The following GNG7 variants were observed in gnomAD, a reference collection of about 807,000 sequenced individuals.
The protein encoded by GNG7 is guanine nucleotide-binding protein G(I)/G(S)/G(O) subunit gamma-7.
In GNG7, 1 loss-of-function variant was observed where a neutral mutation model predicts 4.0. The ratio of observed to expected loss-of-function variants is 0.25; its 90% CI spans 0.09 to 1.18. The LOEUF is 1.18. GNG7 is among the 50% of genes most tolerant of loss of function. GNG7 has a pLI of 0.50. For missense variants in GNG7, 86 were observed against 91.9 expected, an observed-to-expected ratio of 0.94 and a Z score of 0.26; for synonymous variants, 34 against 36.9, an observed-to-expected ratio of 0.92 and a Z score of 0.29.
chr19:2,565,570 T>C (rs1227390783), intron 2 of GNG7, among the ~76,000 whole-genome samples: 2 of 151,576 alleles, frequency 1.3e-5, no homozygotes, highest in African/African-American at 2.4e-5. Flanking sequence ...GGTTAGTTCC[T>C]TCCCTCCAGG....
chr19:2,539,888 C>CTTT, intron 3 of GNG7, among the ~76,000 whole-genome samples: 1 of 112,278 alleles, frequency 8.9e-6, no homozygotes, highest in African/African-American at 3.1e-5. Flanking sequence ...CCCTCTCCTT[C>CTTT]CTTCCTTCCT....
chr19:2,543,628 G>T (rs138267518), intron 3 of GNG7, among the ~76,000 whole-genome samples: 1 of 152,174 alleles, frequency 6.6e-6, no homozygotes, highest in African/African-American at 2.4e-5. Context: ...TCCCATGGCT[G>T]CTTCCTGTAA....
chr19:2,633,503 A>ACGCGCGCGCGCG lies in GNG7; in HGVS notation c.-78+12720_-78+12721insCGCGCGCGCGCG. ...CGCGCGCGCGCACACACACACACACACACACACACACACACACACACGAGA... is the reference window on the plus strand; with the variant it reads ...CGCGCGCGCGCACACACACACACACACGCGCGCGCGCGCACACACACACACACACACACGAGA... On this transcript the variant is annotated intron_variant, in intron 2 of 4. Transcript: ENST00000382159. This position sits in a 1 kb window ranked among gnomAD's most constrained non-coding sequence, Gnocchi z 5.9. Among the ~76,000 whole-genome samples, 1 of 145,022 alleles carries ACGCGCGCGCGCG rather than the reference A, an allele frequency of 6.9e-6. No individual in the cohort carries two copies. The highest frequency in any genetic ancestry group is 1.5e-5 in the Non-Finnish European group (1 of 67,358).
chr19:2,589,216 C>T (rs1213509837), intron 2 of GNG7, among the ~76,000 whole-genome samples: 2 of 151,788 alleles, frequency 1.3e-5, no homozygotes, highest in East Asian at 1.9e-4. Context: ...GCATGAGCCA[C>T]CACGCCCGGC....
At chr19:2,602,048 C>G (rs977548272) in intron 2 of GNG7, among the ~76,000 whole-genome samples, 3 of 151,770 alleles carry the variant, frequency 2.0e-5, no homozygotes, top group Admixed American at 2.0e-4. Flanking sequence ...TCTGGAGAAG[C>G]ACTAGAAGCC....
At chr19:2,645,555 A>C (rs538601279) in intron 2 of GNG7, among the ~76,000 whole-genome samples, 105 of 145,086 alleles carry the variant, frequency 7.2e-4, no homozygotes, top group African/African-American at 2.6e-3. Context: ...CTAACTCTTA[A>C]AAAAAAATTT....
chr19:2,604,764 C>T (rs113228700), intron 2 of GNG7, among the ~76,000 whole-genome samples: 10 of 151,940 alleles, frequency 6.6e-5, no homozygotes, highest in African/African-American at 2.4e-4. Flanking sequence ...AGTTCAAGAA[C>T]AAAGTGTGGT....
chr19:2,673,992 C>T (rs8110405), intron 1 of GNG7, among the ~76,000 whole-genome samples: 4,808 of 152,140 alleles, frequency 0.032, 255 homozygotes, highest in African/African-American at 0.11. Flanking sequence ...GGCCAGGGAC[C>T]GTGGCTCACG....
At chr19:2,577,136 T>C (rs1171838805) in intron 2 of GNG7, among the ~76,000 whole-genome samples, 1 of 152,210 alleles carries the variant, frequency 6.6e-6, no homozygotes, top group Admixed American at 6.5e-5. Flanking sequence ...GTCTCTGTGT[T>C]GCGTAACCAA....
At chr19:2,623,618 C>T (rs753656518) in intron 2 of GNG7, among the ~76,000 whole-genome samples, 5 of 152,238 alleles carry the variant, frequency 3.3e-5, no homozygotes, top group African/African-American at 4.8e-5. Flanking sequence ...TGGTGGCTCA[C>T]GCCTTTAATC....
chr19:2,528,266 G>A (rs1426394885), intron 3 of GNG7, among the ~76,000 whole-genome samples: 9 of 82,740 alleles, frequency 1.1e-4, no homozygotes, highest in Admixed American at 8.3e-4. Flanking sequence ...GTGAGACCCT[G>A]TCTAAAAAAA....
chr19:2,553,926 T>C (rs998442553), intron 3 of GNG7, among the ~76,000 whole-genome samples: 2 of 138,644 alleles, frequency 1.4e-5, no homozygotes, highest in Non-Finnish European at 3.1e-5. Flanking sequence ...TTGCATGTAA[T>C]ATATTGTATG....
At chr19:2,551,075 C>T (rs374990081) in intron 3 of GNG7, among the ~76,000 whole-genome samples, 6 of 152,218 alleles carry the variant, frequency 3.9e-5, no homozygotes, top group African/African-American at 7.2e-5. Context: ...CTTGAGCTTG[C>T]GGCCTGGAGA....
Position 2,557,060 on chromosome 19 carries a change from C to A in GNG7, c.-77-1872G>T, listed in dbSNP as rs903511000. Among the ~76,000 whole-genome samples, 2 of 143,446 alleles carry A rather than the reference C, an allele frequency of 1.4e-5. No homozygotes were observed. Among genetic ancestry groups the A allele is most frequent in the Non-Finnish European group, 3.1e-5 (2 of 63,752 alleles). The allele number at this position is 143,446 out of a possible 152,430, so 94.1% of individuals were successfully genotyped here. On this transcript the variant is annotated intron_variant, in intron 2 of 4. Transcript: ENST00000382159. This position sits in a 1 kb window ranked among gnomAD's most constrained non-coding sequence, Gnocchi z 5.1. The stretch of plus-strand genomic sequence containing the variant: ...ACACACGCACACTCACACACATATG[C>A]ACGCACACAGACACACGCACACACG...
At chr19:2,639,379 C>G (rs756827006) in intron 2 of GNG7, among the ~76,000 whole-genome samples, 11 of 151,906 alleles carry the variant, frequency 7.2e-5, no homozygotes, top group Non-Finnish European at 1.5e-4. Context: ...GAAAGGTCAG[C>G]AAAGACCCCA....
chr19:2,519,852 G>T (rs1469933639), intron 4 of GNG7, among the ~76,000 whole-genome samples: 2 of 152,036 alleles, frequency 1.3e-5, no homozygotes, highest in African/African-American at 2.4e-5. Context: ...AATAAATCTC[G>T]ACAAGGCGCA....
chr19:2,655,838 GAAAAAAAA>G (rs56041767), intron 1 of GNG7, among the ~76,000 whole-genome samples: 1 of 54,724 alleles, frequency 1.8e-5, no homozygotes, highest in Non-Finnish European at 3.3e-5. Context: ...GGCTCCGTCT[GAAAAAAAA>G]AAAAAAAAAA....
intron 4 of GNG7, among the ~76,000 whole-genome samples, chr19:2,518,468 A>T (rs1294818232): frequency 6.6e-6 from 1 of 152,150 alleles, no homozygotes; most frequent in Non-Finnish European, 1.5e-5. Context: ...ACCTCGTGGG[A>T]GGCAGACCCC....
intron 1 of GNG7, among the ~76,000 whole-genome samples, chr19:2,651,023 C>T (rs982777538): frequency 4.6e-5 from 7 of 152,168 alleles, no homozygotes. Context: ...TTCCACCCAG[C>T]AGGCAGGCAA....
Sources: allele counts gnomAD v4.1 joint callset (sites outside exome capture counted in the v4.1 genomes callset), GRCh38; gene constraint gnomAD v4.1.1; non-coding constraint Gnocchi (gnomAD v3.1); transcripts MANE v1.5; gene names NCBI Gene and HGNC (gene_info 2026-07-23, HGNC 2026-07-21).